The following ABCC11 variants were observed in gnomAD, a reference collection of about 807,000 sequenced individuals.
ABCC11 encodes ATP binding cassette subfamily C member 11, also known as ATP-binding cassette sub-family C member 11.
In ABCC11, 135 loss-of-function variants were observed where a neutral mutation model predicts 149.3. The observed-to-expected ratio is 0.90, with a 90% confidence interval of 0.79 to 1.04. The LOEUF is 1.04. Ranked by LOEUF, ABCC11 falls within the 50% of genes least tolerant of loss-of-function variation. The probability of loss-of-function intolerance (pLI) is 0.00; values close to 1 mark genes in which losing one functional copy is unlikely to be tolerated. For synonymous variants in ABCC11, 665 were observed against 671.4 expected, an observed-to-expected ratio of 0.99 and a Z score of 0.15; for missense variants, 1,680 against 1,722.1, an observed-to-expected ratio of 0.98 and a Z score of 0.43.
At chr16:48,167,717 C>A in intron 28 of ABCC11, 57 bp from the exon 29 acceptor site, 1 of 1,583,912 alleles carries the variant, frequency 6.3e-7, no homozygotes, top group Non-Finnish European at 8.6e-7. Context: ...AGACCTGGGT[C>A]TAGCCCTGGT....
intron 6 of ABCC11, among the ~76,000 whole-genome samples, chr16:48,219,407 G>A (rs1281471172): frequency 6.6e-6 from 1 of 152,118 alleles, no homozygotes; most frequent in African/African-American, 2.4e-5. Flanking sequence ...CTGAACTCAA[G>A]CGATTCATCC....
At chr16:48,170,255 GC>G (rs1965626929) in intron 27 of ABCC11, 37 bp from the exon 28 acceptor site, 1 of 1,559,136 alleles carries the variant, frequency 6.4e-7, no homozygotes, top group Non-Finnish European at 8.8e-7. Context: ...TAACCTGGAA[GC>G]CACTGTGGGG....
At chr16:48,194,058 T>C (rs1420843336) in intron 18 of ABCC11, 76 bp from the exon 19 acceptor site, 3 of 1,097,488 alleles carry the variant, frequency 2.7e-6, no homozygotes, top group Non-Finnish European at 4.1e-6. Context: ...TGCTCGGCCA[T>C]CTCTGTCTTT....
At chr16:48,230,297 G>T (rs1476112840) in intron 3 of ABCC11, 140 bp downstream of exon 3, 3 of 990,078 alleles carry the variant, frequency 3.0e-6, no homozygotes, top group Non-Finnish European at 4.2e-6. Flanking sequence ...TGCCTCCCTG[G>T]TGTGCCTCAG....
intron 1 of ABCC11, among the ~76,000 whole-genome samples, chr16:48,232,970 C>A (rs373589161): frequency 6.6e-6 from 1 of 152,050 alleles, no homozygotes; most frequent in African/African-American, 2.4e-5. Context: ...GAGGCTGAGG[C>A]GGGAGGACTG....
intron 12 of ABCC11, among the ~76,000 whole-genome samples, chr16:48,207,673 AGGAAGGGAAGGGAAG>A (rs931135629): frequency 6.6e-6 from 1 of 151,980 alleles, no homozygotes; most frequent in Non-Finnish European, 1.5e-5. Context: ...AAAGAAAGGA[AGGAAGGGAAGGGAAG>A]GGAAGGAAAG....
chr16:48,228,174 C>A (rs569718187), intron 3 of ABCC11, among the ~76,000 whole-genome samples: 3 of 150,868 alleles, frequency 2.0e-5, no homozygotes, highest in African/African-American at 4.9e-5. Flanking sequence ...TATGATCTAC[C>A]CATACTATAA....
chr16:48,233,105 G>A (rs1297706708), intron 1 of ABCC11, among the ~76,000 whole-genome samples: 2 of 152,124 alleles, frequency 1.3e-5, no homozygotes, highest in African/African-American at 4.8e-5. Context: ...AGAGGCTGAG[G>A]CAGAAGTATA....
rs372703704 is a variant in ABCC11, at chr16:48,195,367, G to A, written c.2404+865C>T. On this transcript the variant is annotated intron_variant, in intron 18 of 29. Coordinates refer to ENST00000356608, the MANE Select transcript of ABCC11 (RefSeq NM_001370497.1). The stretch of plus-strand genomic sequence containing the variant: ...CATTTGCTGTTTCCTGCTCTGTCTG[G>A]GCAGGCCCTGGGTTACTCCTTGCAG... Among the ~76,000 whole-genome samples the A allele has an allele frequency of 5.9e-5, 9 of 152,276 alleles. No individual in the cohort carries two copies. The South Asian group carries it at 1.7e-3, about 28-fold the overall frequency.
chr16:48,199,669 T>C (rs1280942903), intron 15 of ABCC11, among the ~76,000 whole-genome samples: 2 of 130,734 alleles, frequency 1.5e-5, no homozygotes, highest in African/African-American at 2.9e-5. Context: ...TTCTTTTTTA[T>C]TGATTTTTTT....
chr16:48,208,268 G>A (rs530470921), intron 12 of ABCC11, among the ~76,000 whole-genome samples, 157 bp downstream of exon 12: 13 of 152,250 alleles, frequency 8.5e-5, no homozygotes, highest in Middle Eastern at 3.4e-3. Flanking sequence ...CGCACCTCCC[G>A]CACAGTGCAA....
At chr16:48,185,464 T>C (rs1199309131) in intron 22 of ABCC11, among the ~76,000 whole-genome samples, 1 of 152,254 alleles carries the variant, frequency 6.6e-6, no homozygotes, top group African/African-American at 2.4e-5. Flanking sequence ...CAACCTGTAC[T>C]GTTATTTGAT....
Position 48,215,277 on chromosome 16 carries a change from C to T in ABCC11, c.1019G>A (p.Arg340His), listed in dbSNP as rs778915183. The change falls in exon 8 of 30, where the codon CGT (arginine) becomes CAT (histidine). Residue 340 changes from arginine (R) to histidine (H), a missense_variant. Physicochemically the swap from Arg to His is conservative, Grantham distance 29. Coordinates refer to ENST00000356608, the MANE Select transcript of ABCC11 (RefSeq NM_001370497.1). ...GCAAGTGAGAACTTCACTGGTCACA[C>T]GGATGCGCTGGTCGCTGACCTCAGA... ...HTSEVSDQRI[R>H]VTSEVLTCIK... is the part of the protein sequence containing the mutation. 188 of 1,614,034 alleles carry T rather than the reference C, an allele frequency of 1.2e-4. 1 individual carries two copies. In the Admixed American group the frequency reaches 2.8e-3, roughly 24 times the overall value.
At chr16:48,172,296 C>A (rs1325961661) in intron 26 of ABCC11, among the ~76,000 whole-genome samples, 1 of 152,060 alleles carries the variant, frequency 6.6e-6, no homozygotes, top group Non-Finnish European at 1.5e-5. Flanking sequence ...TTGTTTCCAC[C>A]TTTTGATTAC....
intron 6 of ABCC11, among the ~76,000 whole-genome samples, chr16:48,219,294 T>C (rs28481895): frequency 0.23 from 35,333 of 151,408 alleles, 5,479 homozygotes; most frequent in African/African-American, 0.44. Context: ...CTCAGCCTCC[T>C]AAGTAGCTGG....
intron 20 of ABCC11, among the ~76,000 whole-genome samples, chr16:48,191,092 T>C (rs1317914553): frequency 2.0e-5 from 3 of 152,310 alleles, no homozygotes; most frequent in Middle Eastern, 3.4e-3. Context: ...TACATGTCAT[T>C]ATACATTTTT....
Position 48,237,198 on chromosome 16 carries a change from C to T in ABCC11, c.-18-5259G>A, listed in dbSNP as rs564373377. Among the ~76,000 whole-genome samples the T allele has an allele frequency of 2.0e-5, 3 of 152,252 alleles. No individual in the cohort carries two copies. In the East Asian group the frequency reaches 5.8e-4, roughly 29 times the overall value. ...GAGACCCTTGATGAAAAGGTAAGCG[C>T]TTGGGAATCTGGGCCACATATGTTT... is the stretch of plus-strand genomic sequence containing the variant. On this transcript the variant is annotated intron_variant, in intron 1 of 29. Coordinates refer to ENST00000356608, the MANE Select transcript of ABCC11 (RefSeq NM_001370497.1).
chr16:48,235,125 C>G (rs1402408538), intron 1 of ABCC11: 4 of 152,230 alleles, frequency 2.6e-5, no homozygotes, highest in African/African-American at 9.6e-5. Flanking sequence ...ATTAGATTTT[C>G]TCTCACCTTT....
At chr16:48,209,348 G>A (rs955180483) in intron 11 of ABCC11, 2 of 152,320 alleles carry the variant, frequency 1.3e-5, no homozygotes, top group African/African-American at 4.8e-5. Context: ...TTTGGCACCA[G>A]GGACCAGTTT....
Sources: gnomAD v4.1 joint callset for allele counts (sites outside exome capture counted in the v4.1 genomes callset) on GRCh38, gnomAD v4.1.1 for gene constraint, MANE v1.5 for transcripts, NCBI Gene and HGNC (gene_info 2026-07-23, HGNC 2026-07-21) for gene names.